RIMS2: variants seen among roughly 807,000 people sequenced by gnomAD.
RIMS2 encodes the protein regulating synaptic membrane exocytosis protein 2.
In RIMS2, 59 loss-of-function variants were observed where a neutral mutation model predicts 174.4. The observed-to-expected ratio is 0.34, with a 90% CI of 0.27 to 0.42. The LOEUF is 0.42. Ranked by LOEUF, RIMS2 falls within the 10% of genes least tolerant of loss-of-function variation. RIMS2 has a pLI of 1.00. For synonymous variants in RIMS2, 606 were observed against 572.5 expected (o/e 1.06, Z -0.84); for missense variants, 1,620 against 1,666.3 (o/e 0.97, Z 0.48).
intron 1 of RIMS2, among the ~76,000 whole-genome samples, chr8:103,527,095 G>A (rs1834413990): frequency 6.6e-6 from 1 of 152,092 alleles, no homozygotes; most frequent in Non-Finnish European, 1.5e-5. Flanking sequence ...ATAAGACAAT[G>A]GATTTATGTC....
At chr8:103,921,036 C>A in intron 9 of RIMS2, 3 of 228,402 alleles carry the variant, frequency 1.3e-5, no homozygotes, top group South Asian at 5.2e-5. Context: ...ACAACAACAA[C>A]AACAACAACA....
At chr8:103,929,998 A>G (rs1187049364) in intron 11 of RIMS2, among the ~76,000 whole-genome samples, 1 of 151,934 alleles carries the variant, frequency 6.6e-6, no homozygotes, top group Non-Finnish European at 1.5e-5. Flanking sequence ...GGGCCCCAGG[A>G]ATTTATAACT....
chr8:104,021,969 T>G (rs1005269587), intron 19 of RIMS2, among the ~76,000 whole-genome samples: 2 of 152,214 alleles, frequency 1.3e-5, no homozygotes, highest in Admixed American at 6.5e-5. Flanking sequence ...TGTGCTGAGT[T>G]AATCTCTGGG....
chr8:104,077,437 AT>A (rs1305681511), intron 19 of RIMS2, among the ~76,000 whole-genome samples: 8 of 151,898 alleles, frequency 5.3e-5, no homozygotes, highest in African/African-American at 1.9e-4. Flanking sequence ...ATTTAAAAAA[AT>A]GATACTTTTA....
intron 1 of RIMS2, among the ~76,000 whole-genome samples, chr8:103,576,200 G>T (rs1220522022): frequency 2.0e-5 from 3 of 152,192 alleles, no homozygotes; most frequent in Non-Finnish European, 4.4e-5. Context: ...TTTGGAATGG[G>T]TGGCACTCTG....
intron 1 of RIMS2, among the ~76,000 whole-genome samples, chr8:103,553,822 T>C (rs10110522): frequency 0.18 from 27,704 of 150,996 alleles, 2,767 homozygotes; most frequent in African/African-American, 0.26. Context: ...CTACTGTAAC[T>C]AAAACAGCAT....
intron 3 of RIMS2, among the ~76,000 whole-genome samples, chr8:103,798,368 A>G (rs2098570597): frequency 1.3e-5 from 2 of 152,190 alleles, no homozygotes; most frequent in African/African-American, 4.8e-5. Flanking sequence ...ATTTGTTAAA[A>G]CCAACTAAAT....
intron 2 of RIMS2, among the ~76,000 whole-genome samples, chr8:103,759,564 C>CAAAAAAA (rs35946104): frequency 4.3e-5 from 3 of 70,006 alleles, no homozygotes; most frequent in African/African-American, 1.1e-4. Context: ...GACTCCGTCT[C>CAAAAAAA]AAAAAAAAAA....
intron 1 of RIMS2, among the ~76,000 whole-genome samples, chr8:103,564,032 A>G (rs2092003773): frequency 6.6e-6 from 1 of 152,186 alleles, no homozygotes; most frequent in South Asian, 2.1e-4. Flanking sequence ...TTGGGTGGGG[A>G]TGCAATCAAA....
At chr8:104,240,727 G>C (rs1352616027) in intron 19 of RIMS2, among the ~76,000 whole-genome samples, 3 of 152,090 alleles carry the variant, frequency 2.0e-5, no homozygotes, top group Non-Finnish European at 4.4e-5. Flanking sequence ...AGGAGCCAGA[G>C]ACTCAGAGAG....
chr8:104,146,661 T>A (rs2098642548), intron 19 of RIMS2, among the ~76,000 whole-genome samples: 1 of 152,072 alleles, frequency 6.6e-6, no homozygotes, highest in Non-Finnish European at 1.5e-5. Context: ...AATTAGTAGA[T>A]TAGGTGGTTC....
intron 3 of RIMS2, among the ~76,000 whole-genome samples, chr8:103,773,921 C>T (rs2098281347): frequency 6.8e-6 from 1 of 147,370 alleles, no homozygotes; most frequent in South Asian, 2.1e-4. Context: ...GCAGGCAGAT[C>T]ACTTGAGGTG....
Position 103,580,894 on chromosome 8 carries a change from A to G in RIMS2, c.176+79832A>G, listed in dbSNP as rs148181955. On this transcript the variant is annotated intron_variant, in intron 1 of 23. Transcript: ENST00000504942. ...ACCCAGGCTGGAGTGCAGTGGCACT[A>G]TCTTGGCTCACTGCAAGCTCCGCCT... is the stretch of plus-strand genomic sequence containing the variant. Among the ~76,000 whole-genome samples the G allele has an allele frequency of 4.3e-5, 6 of 138,646 alleles. No individual in the cohort carries two copies. The South Asian group carries it at 1.1e-3, about 26-fold the overall frequency. 91.0% of individuals were successfully genotyped at this position (138,646 alleles called of 152,430 possible). A position where few individuals can be genotyped will look rare whatever the true frequency, so the allele number is the denominator to read the frequency against.
At chr8:103,995,185 G>A (rs900134531) in intron 17 of RIMS2, among the ~76,000 whole-genome samples, 4 of 151,966 alleles carry the variant, frequency 2.6e-5, no homozygotes, top group South Asian at 2.1e-4. Flanking sequence ...AAGGCTCATC[G>A]TGAAAACAGT....
intron 17 of RIMS2, among the ~76,000 whole-genome samples, chr8:104,007,556 T>C (rs571578197): frequency 7.9e-5 from 12 of 152,296 alleles, no homozygotes; most frequent in African/African-American, 2.9e-4. Context: ...AATTTCCCCA[T>C]CTGTTCATGC....
At chr8:104,127,851 A>T (rs2098444497) in intron 19 of RIMS2, among the ~76,000 whole-genome samples, 1 of 152,194 alleles carries the variant, frequency 6.6e-6, no homozygotes, top group Admixed American at 6.5e-5. Context: ...ACTGGGAATA[A>T]ATACCAGCTT....
At chr8:103,544,566 C>A (rs1272157944) in intron 1 of RIMS2, among the ~76,000 whole-genome samples, 1 of 152,230 alleles carries the variant, frequency 6.6e-6, no homozygotes, top group Non-Finnish European at 1.5e-5. Flanking sequence ...TACAGCCACA[C>A]CTGCTAGAGC....
At chr8:104,202,610 C>A (rs2099060580) in intron 19 of RIMS2, among the ~76,000 whole-genome samples, 1 of 152,220 alleles carries the variant, frequency 6.6e-6, no homozygotes, top group Non-Finnish European at 1.5e-5. Flanking sequence ...CTCTCCTTGG[C>A]TTCAGATGGT....
At chr8:103,662,491 T>C (rs527855062) in intron 1 of RIMS2, among the ~76,000 whole-genome samples, 1 of 152,334 alleles carries the variant, frequency 6.6e-6, no homozygotes, top group Non-Finnish European at 1.5e-5. Context: ...CCAATGTCTT[T>C]TTCAAAGAAG....
Sources: allele counts gnomAD v4.1 joint callset (sites outside exome capture counted in the v4.1 genomes callset), GRCh38; gene constraint gnomAD v4.1.1; transcripts MANE v1.5; gene names NCBI Gene and HGNC (gene_info 2026-07-23, HGNC 2026-07-21).